DUSP22: variants seen among roughly 807,000 people sequenced by gnomAD.
DUSP22 encodes dual specificity protein phosphatase 22.
A neutral mutation model predicts 24.5 loss-of-function variants in DUSP22; 24 were observed. That is an observed-to-expected ratio of 0.98 (90% CI 0.71 to 1.38). The LOEUF is 1.38. DUSP22 is among the 40% of genes most tolerant of loss of function. DUSP22 has a pLI of 0.00. For missense variants in DUSP22, 330 were observed against 269.2 expected (o/e 1.23, Z -1.58); for synonymous variants, 160 against 106.4 (o/e 1.50, Z -3.10).
At chr6:293,480 C>G (rs551952596) in intron 1 of DUSP22, among the ~76,000 whole-genome samples, 1 of 152,408 alleles carries the variant, frequency 6.6e-6, no homozygotes, top group East Asian at 1.9e-4. Context: ...TTAGATGAGT[C>G]GTCTTTCTGC....
intron 1 of DUSP22, among the ~76,000 whole-genome samples, chr6:304,300 A>G: frequency 6.6e-6 from 1 of 152,306 alleles, no homozygotes; most frequent in South Asian, 2.1e-4. Flanking sequence ...CAGAGTGCAG[A>G]GCTGCAGGGC....
intron 3 of DUSP22, among the ~76,000 whole-genome samples, chr6:321,201 C>G (rs1024633337): frequency 1.5e-4 from 23 of 152,288 alleles, no homozygotes; most frequent in Admixed American, 4.6e-4. Flanking sequence ...ACAGGGTGCA[C>G]TAAGGGATGG....
rs1311446551 is a variant in DUSP22 at position 349,195 on chromosome 6, C to T, written c.*244C>T. ...GATGTTGCCCAGTGGCTGTGCACTGCTCTGTGCACGTGCGTGTGTGTGAGT... is the reference window on the plus strand; with the variant it reads ...GATGTTGCCCAGTGGCTGTGCACTGTTCTGTGCACGTGCGTGTGTGTGAGT... On this transcript the variant is annotated 3_prime_UTR_variant, in exon 7 of 7. Coordinates refer to ENST00000419235, the MANE Select transcript of DUSP22 (RefSeq NM_001286555.3). 1 of 1,418,470 alleles carries T rather than the reference C, an allele frequency of 7.0e-7. No individual in the cohort carries two copies. The highest frequency in any genetic ancestry group is 9.2e-7 in the Non-Finnish European group (1 of 1,089,774). 87.9% of individuals were successfully genotyped at this position (1,418,470 alleles called of 1,614,324 possible).
At chr6:295,440 G>A (rs1231408503) in intron 1 of DUSP22, among the ~76,000 whole-genome samples, 11 of 152,330 alleles carry the variant, frequency 7.2e-5, no homozygotes, top group Non-Finnish European at 1.2e-4. Context: ...AGAAGATGGA[G>A]GGGAAAAAGG....
At chr6:301,866 G>T (rs1482987217) in intron 1 of DUSP22, among the ~76,000 whole-genome samples, 33 of 152,290 alleles carry the variant, frequency 2.2e-4, no homozygotes, top group African/African-American at 7.0e-4. Flanking sequence ...GAACATCATG[G>T]TTCTACAACA....
chr6:298,779 T>C (rs1166836027), intron 1 of DUSP22, among the ~76,000 whole-genome samples: 3 of 152,310 alleles, frequency 2.0e-5, no homozygotes, highest in Non-Finnish European at 4.4e-5. Flanking sequence ...TGCTGTTTCG[T>C]CACCGTTTAT....
intron 3 of DUSP22, 70 bp downstream of exon 3, chr6:312,032 TGAAG>T: frequency 1.9e-5 from 1 of 52,844 alleles, no homozygotes; most frequent in Non-Finnish European, 2.9e-5. Context: ...ACGACGTTAA[TGAAG>T]GCAACCAGGT....
intron 3 of DUSP22, among the ~76,000 whole-genome samples, chr6:334,590 A>G (rs935222340): frequency 2.0e-5 from 3 of 152,304 alleles, no homozygotes; most frequent in African/African-American, 4.8e-5. Flanking sequence ...AGCAAAATAA[A>G]ACAAATTATC....
intron 3 of DUSP22, among the ~76,000 whole-genome samples, chr6:312,693 C>A (rs1448339178): frequency 6.6e-6 from 1 of 152,286 alleles, no homozygotes; most frequent in Non-Finnish European, 1.5e-5. Flanking sequence ...GTGGCTTGTT[C>A]TGAAAGAAAG....
chr6:349,453 G>C lies in DUSP22; in HGVS notation c.*502G>C, dbSNP rs1016813392. On this transcript the variant is annotated 3_prime_UTR_variant, in exon 7 of 7. Transcript: ENST00000419235. Reference sequence around the variant, plus strand: ...CTCCACATGGAAGGCATTTGAGCTCGACCTCCGAAAAGCTACCCAGCAAAG... The same window carrying C: ...CTCCACATGGAAGGCATTTGAGCTCCACCTCCGAAAAGCTACCCAGCAAAG... 2 of 1,008,404 alleles carry C rather than the reference G, an allele frequency of 2.0e-6. No individual in the cohort carries two copies. Among genetic ancestry groups the C allele is most frequent in the African/African-American group, 1.7e-5 (1 of 57,898 alleles). The allele number at this position is 1,008,404 out of a possible 1,614,324, so 62.5% of individuals were successfully genotyped here.
chr6:313,334 C>T (rs1410084792), intron 3 of DUSP22, among the ~76,000 whole-genome samples: 2 of 152,300 alleles, frequency 1.3e-5, no homozygotes, highest in African/African-American at 4.8e-5. Flanking sequence ...TAAATCTGCT[C>T]ACATTGTAAC....
chr6:292,590 T>C, intron 1 of DUSP22, 30 bp downstream of exon 1: 1 of 1,590,250 alleles, frequency 6.3e-7, no homozygotes, highest in Non-Finnish European at 8.6e-7. Flanking sequence ...GCGCTGGGTT[T>C]GCCTCCGCTC....
chr6:349,065 TG>T lies in DUSP22; in HGVS notation c.*118del. Reference sequence around the variant, plus strand: ...GGAAAGGGAGATAGCCAGGGCGAGGTGGGGCGAGGGCTCCTTCCCCCAAGCA... The same window carrying T: ...GGAAAGGGAGATAGCCAGGGCGAGGTGGGCGAGGGCTCCTTCCCCCAAGCA... On this transcript the variant is annotated 3_prime_UTR_variant, in exon 7 of 7. Transcript: ENST00000419235. 1 of 1,484,366 alleles carries T rather than the reference TG, an allele frequency of 6.7e-7. No individual in the cohort carries two copies. 91.9% of individuals were successfully genotyped at this position (1,484,366 alleles called of 1,614,324 possible).
Position 349,305 on chromosome 6 carries a change from A to G in DUSP22, c.*354A>G, listed in dbSNP as rs1760060837. On this transcript the variant is annotated 3_prime_UTR_variant, in exon 7 of 7. Coordinates refer to ENST00000419235, the MANE Select transcript of DUSP22 (RefSeq NM_001286555.3). ...TGCACCTAAGTGTGTACATGTGTGT[A>G]TGTTGTGAAAGTGTCTGTGCACATG... 3 of 1,193,498 alleles carry G rather than the reference A, an allele frequency of 2.5e-6. No individual in the cohort carries two copies. Among genetic ancestry groups the G allele is most frequent in the South Asian group, 2.4e-5 (1 of 41,386 alleles). 73.9% of individuals were successfully genotyped at this position (1,193,498 alleles called of 1,614,324 possible).
chr6:304,840 C>T (rs1757748183), intron 2 of DUSP22, among the ~76,000 whole-genome samples, 179 bp downstream of exon 2: 1 of 152,308 alleles, frequency 6.6e-6, no homozygotes, highest in Non-Finnish European at 1.5e-5. Flanking sequence ...TCCCTTAAAA[C>T]ACCAACTCCC....
At chr6:302,365 C>G (rs113793381) in intron 1 of DUSP22, among the ~76,000 whole-genome samples, 1,457 of 151,868 alleles carry the variant, frequency 9.6e-3, no homozygotes, top group African/African-American at 0.034. Flanking sequence ...GCTCCTTGCA[C>G]TAACGCCCGC....
At chr6:327,022 C>A (rs1758912664) in intron 3 of DUSP22, among the ~76,000 whole-genome samples, 1 of 152,312 alleles carries the variant, frequency 6.6e-6, no homozygotes, top group South Asian at 2.1e-4. Flanking sequence ...TCTGCTGCAG[C>A]TACTGTAGCC....
At chr6:336,890 A>G (rs1759383015) in intron 4 of DUSP22, 1 of 152,432 alleles carries the variant, frequency 6.6e-6, no homozygotes, top group Non-Finnish European at 1.5e-5. Flanking sequence ...TCTGAAGACC[A>G]TAGCAATCTT....
chr6:349,247 A>G lies in DUSP22; in HGVS notation c.*296A>G. 7.4e-7 allele frequency: 1 copy of G among 1,351,328 alleles called. No homozygotes were observed. The highest frequency in any genetic ancestry group is 9.5e-7 in the Non-Finnish European group (1 of 1,048,538). 83.7% of individuals were successfully genotyped at this position (1,351,328 alleles called of 1,614,324 possible). A position where few individuals can be genotyped will look rare whatever the true frequency, so the allele number is the denominator to read the frequency against. ...CACTTGTGTGTGGGTGACTAAGTGG[A>G]TGCATGTGTGTGCCTGTGTGAGTGA... On this transcript the variant is annotated 3_prime_UTR_variant, in exon 7 of 7. Transcript: ENST00000419235.
Sources: gnomAD v4.1 joint callset for allele counts (sites outside exome capture counted in the v4.1 genomes callset) on GRCh38, gnomAD v4.1.1 for gene constraint, MANE v1.5 for transcripts, NCBI Gene and HGNC (gene_info 2026-07-23, HGNC 2026-07-21) for gene names.